The following ATRN variants were observed in gnomAD, a reference collection of about 807,000 sequenced individuals.
The protein encoded by ATRN is attractin-2.
ATRN carries 54 observed loss-of-function variants against 178.7 expected under a neutral mutation model. That is an observed-to-expected ratio of 0.30 (90% CI 0.24 to 0.38). ATRN has a LOEUF of 0.38. Among genes scored for constraint, ATRN ranks in the 10% least tolerant of loss-of-function variants. The pLI is 1.00. For synonymous variants in ATRN, 636 were observed against 663.0 expected (o/e 0.96, Z 0.63); for missense variants, 1,443 against 1,815.1 (o/e 0.79, Z 3.73).
At chr20:3,500,503 G>A (rs1437944745) in intron 1 of ATRN, among the ~76,000 whole-genome samples, 1 of 151,546 alleles carries the variant, frequency 6.6e-6, no homozygotes, top group African/African-American at 2.4e-5. Flanking sequence ...ATACTATGCA[G>A]CCATAAAAAA....
intron 23 of ATRN, among the ~76,000 whole-genome samples, chr20:3,601,547 A>G (rs896389493): frequency 6.6e-6 from 1 of 152,174 alleles, no homozygotes; most frequent in African/African-American, 2.4e-5. Flanking sequence ...CTGAAGATCT[A>G]CTGTATAGAA....
chr20:3,604,509 G>A (rs1349069959), intron 24 of ATRN, among the ~76,000 whole-genome samples: 1 of 152,206 alleles, frequency 6.6e-6, no homozygotes, highest in East Asian at 1.9e-4. Flanking sequence ...TAACAGATTT[G>A]GTCATTATAA....
At position 3,649,365 on chromosome 20, in the gene ATRN, ATCT is replaced by A. The variant is rs922332440; in HGVS notation, c.*2521_*2523del. ...TCGGAGTGTACATAAAACAGAAAAA[ATCT>A]TCATGTATTTTTATTAAATATAACA... On this transcript the variant is annotated 3_prime_UTR_variant, in exon 29 of 29. Coordinates refer to ENST00000262919, the MANE Select transcript of ATRN (RefSeq NM_139321.3). 1 of 152,622 alleles carries A rather than the reference ATCT, an allele frequency of 6.6e-6. No individual in the cohort carries two copies. The highest frequency in any genetic ancestry group is 1.5e-5 in the Non-Finnish European group (1 of 68,040). 9.5% of individuals were successfully genotyped at this position (152,622 alleles called of 1,614,324 possible).
intron 24 of ATRN, among the ~76,000 whole-genome samples, chr20:3,614,991 G>A (rs534851507): frequency 9.2e-5 from 14 of 151,874 alleles, no homozygotes; most frequent in African/African-American, 3.1e-4. Context: ...TATATACCAC[G>A]TTTTGTTTAT....
At chr20:3,582,465 T>C (rs2086294780) in intron 16 of ATRN, 111 bp downstream of exon 16, 2 of 983,894 alleles carry the variant, frequency 2.0e-6, no homozygotes, top group South Asian at 2.9e-5. Flanking sequence ...AGATGAAGTA[T>C]TGATTTCAAG....
intron 1 of ATRN, among the ~76,000 whole-genome samples, chr20:3,507,033 G>A (rs938214579): frequency 1.3e-5 from 2 of 151,566 alleles, no homozygotes; most frequent in African/African-American, 4.8e-5. Flanking sequence ...AAGTAAATGC[G>A]GTTTTTGCCG....
At position 3,647,339 on chromosome 20, in the gene ATRN, T is replaced by G. The variant is rs146673861; in HGVS notation, c.*492T>G. On this transcript the variant is annotated 3_prime_UTR_variant, in exon 29 of 29. Coordinates refer to ENST00000262919, the MANE Select transcript of ATRN (RefSeq NM_139321.3). ...GATGTGCTATTTATTCTTGCACGAT[T>G]TAGGCAATTATCTCTCTTCCAGGGA... is the stretch of plus-strand genomic sequence containing the variant. The G allele has an allele frequency of 3.8e-3, 589 of 153,230 alleles. 11 individuals carry two copies. The highest frequency in any genetic ancestry group is 3.4e-3 in the Middle Eastern group (1 of 294). 9.5% of individuals were successfully genotyped at this position (153,230 alleles called of 1,614,324 possible). A position where few individuals can be genotyped will look rare whatever the true frequency, so the allele number is the denominator to read the frequency against.
chr20:3,569,796 G>T (rs146383138), intron 11 of ATRN, among the ~76,000 whole-genome samples: 124 of 152,224 alleles, frequency 8.1e-4, no homozygotes, highest in African/African-American at 2.9e-3. Context: ...TTAAGCCAGG[G>T]GTGGTGGCTC....
chr20:3,601,712 A>G (rs891975525), intron 23 of ATRN, among the ~76,000 whole-genome samples: 1 of 151,038 alleles, frequency 6.6e-6, no homozygotes. Context: ...AAAAAAAAAA[A>G]AAAAACCCAG....
At chr20:3,586,216 T>C (rs1330206702) in intron 18 of ATRN, among the ~76,000 whole-genome samples, 1 of 152,182 alleles carries the variant, frequency 6.6e-6, no homozygotes, top group East Asian at 1.9e-4. Context: ...ATGAACAAAG[T>C]GTTGTATATT....
chr20:3,576,339 T>C (rs1390151849), intron 13 of ATRN, among the ~76,000 whole-genome samples: 1 of 152,120 alleles, frequency 6.6e-6, no homozygotes, highest in Non-Finnish European at 1.5e-5. Context: ...CTTTGCAAAA[T>C]CTCCTTGTTT....
rs772315193 is a variant in ATRN, at chr20:3,638,926, G to A, written c.4041G>A (p.Gly1347=). The change falls in exon 27 of 29, where the codon GGG becomes GGA. Residue 1347 remains glycine, a synonymous_variant. Coordinates refer to ENST00000262919, the MANE Select transcript of ATRN (RefSeq NM_139321.3). The surrounding 1 kb of genome is among the most constrained non-coding windows in gnomAD (Gnocchi z 4.5). ...AGGAGCCTCCTGATCTTATTGGGGG[G>A]AGTATAAAGGTGAGAATGTGACTCA... is the stretch of plus-strand genomic sequence containing the variant. The part of the protein sequence containing the change: ...TDEEPPDLIG[G]SIKTVPKPIA... The A allele has an allele frequency of 1.0e-4, 165 of 1,613,680 alleles. No individual in the cohort carries two copies. The highest frequency in any genetic ancestry group is 1.4e-4 in the Non-Finnish European group (161 of 1,179,818).
intron 1 of ATRN, among the ~76,000 whole-genome samples, chr20:3,474,281 G>C (rs994144990): frequency 6.6e-5 from 10 of 152,170 alleles, no homozygotes; most frequent in African/African-American, 2.4e-4. Flanking sequence ...GCTGATTCTA[G>C]GTGATGTCAG....
At chr20:3,588,762 ATTC>A (rs1213041986) in intron 18 of ATRN, among the ~76,000 whole-genome samples, 4 of 152,238 alleles carry the variant, frequency 2.6e-5, no homozygotes, top group African/African-American at 9.6e-5. Context: ...ATTAGCATTA[ATTC>A]TTCTTTAGAT....
In ATRN at chr20:3,490,801, T is replaced by A; in HGVS notation, c.410+19284T>A. On this transcript the variant is annotated intron_variant, in intron 1 of 28. Transcript: ENST00000262919. ...AACTCACTGGGTCCTGAAATGGCAT[T>A]GAGTTCCTCCTTTCATAATCCATCT... 7.5e-6 allele frequency: 6 copies of A among 797,424 alleles called. No individual in the cohort carries two copies. In the South Asian group the frequency reaches 8.0e-5, roughly 11 times the overall value. The allele number at this position is 797,424 out of a possible 1,614,324, so 49.4% of individuals were successfully genotyped here.
chr20:3,610,742 C>CTTTTTT (rs71195847), intron 24 of ATRN, among the ~76,000 whole-genome samples: 19 of 65,266 alleles, frequency 2.9e-4, no homozygotes, highest in East Asian at 4.7e-4. Context: ...CTGGCTAATT[C>CTTTTTT]TTTTTTTTTT....
Position 3,597,992 on chromosome 20 carries a change from C to T in ATRN, c.3556C>T (p.Pro1186Ser). ...CACAGCTATCAATTTTGTGGCTACT[C>T]CTGACGAAGTAAGATTTTTTAAAGT... ...YYTAINFVAT[P>S]DEQNRDLDMF... is the part of the protein sequence containing the mutation. The change falls in exon 22 of 29, where the codon CCT (proline) becomes TCT (serine). Residue 1186 changes from proline (P) to serine (S), a missense_variant. Transcript: ENST00000262919. The T allele has an allele frequency of 1.2e-6, 2 of 1,604,598 alleles. No homozygotes were observed. Among genetic ancestry groups the T allele is most frequent in the Non-Finnish European group, 1.7e-6 (2 of 1,171,866 alleles).
chr20:3,579,869 C>G (rs1353073229), intron 15 of ATRN, among the ~76,000 whole-genome samples: 1 of 152,122 alleles, frequency 6.6e-6, no homozygotes, highest in African/African-American at 2.4e-5. Flanking sequence ...TGGCCTGGGT[C>G]TCGGCTGCCT....
chr20:3,558,539 TG>T (rs1234898290), intron 6 of ATRN, among the ~76,000 whole-genome samples: 1 of 64,968 alleles, frequency 1.5e-5, no homozygotes, highest in African/African-American at 4.9e-5. Flanking sequence ...CATTTCTTTT[TG>T]TTTTTTTTTC....
Sources: gnomAD v4.1 joint callset for allele counts (sites outside exome capture counted in the v4.1 genomes callset) on GRCh38, gnomAD v4.1.1 for gene constraint, Gnocchi (gnomAD v3.1) non-coding constraint, MANE v1.5 for transcripts, NCBI Gene and HGNC (gene_info 2026-07-23, HGNC 2026-07-21) for gene names.